The following CDH12 variants were observed in gnomAD, a reference collection of about 807,000 sequenced individuals.
CDH12 encodes the protein cadherin 12, also known as cadherin-12.
Under a neutral mutation model 74.1 loss-of-function variants are expected in CDH12, and 41 were observed. The observed-to-expected ratio is 0.55, with a 90% CI of 0.43 to 0.72. The LOEUF is 0.72. Ranked by LOEUF, CDH12 falls within the 30% of genes least tolerant of loss-of-function variation. The pLI is 0.00. For synonymous variants in CDH12, 399 were observed against 355.0 expected, an observed-to-expected ratio of 1.12 and a Z score of -1.39; for missense variants, 945 against 977.2, an observed-to-expected ratio of 0.97 and a Z score of 0.44.
rs546682569 is a variant in CDH12, at chr5:22,743,604, A to G, written c.-523+109454T>C. ...GACAAATTACTAAAGGTCATTATAC[A>G]TGAAATGTTTTACTGATCATTTTAC... On this transcript the variant is annotated intron_variant, in intron 1 of 14. Transcript: ENST00000382254. Among the ~76,000 whole-genome samples, 66 of 152,270 alleles carry G rather than the reference A, an allele frequency of 4.3e-4. 3 individuals are homozygous for G. In the South Asian group the frequency reaches 0.013, roughly 31 times the overall value.
chr5:22,726,172 T>C (rs576462643), intron 1 of CDH12, among the ~76,000 whole-genome samples: 12 of 151,918 alleles, frequency 7.9e-5, no homozygotes, highest in African/African-American at 2.9e-4. Flanking sequence ...TCCACTACCT[T>C]CGAAATGCTC....
At chr5:22,224,049 C>A (rs1752105922) in intron 3 of CDH12, among the ~76,000 whole-genome samples, 1 of 151,946 alleles carries the variant, frequency 6.6e-6, no homozygotes, top group Non-Finnish European at 1.5e-5. Context: ...AATTCTTGCA[C>A]ACAAGTGAGT....
intron 4 of CDH12, among the ~76,000 whole-genome samples, chr5:22,207,229 A>G (rs28580339): frequency 1.3e-5 from 2 of 151,284 alleles, no homozygotes; most frequent in African/African-American, 2.4e-5. Flanking sequence ...AAAAAAAAAA[A>G]AGAAAAAAAA....
chr5:22,481,120 A>C (rs1746367971), intron 2 of CDH12, among the ~76,000 whole-genome samples: 1 of 152,166 alleles, frequency 6.6e-6, no homozygotes, highest in African/African-American at 2.4e-5. Context: ...TAATTGCCAA[A>C]ATTGAGATAC....
At chr5:22,059,191 G>T (rs1740980651) in intron 5 of CDH12, among the ~76,000 whole-genome samples, 1 of 152,098 alleles carries the variant, frequency 6.6e-6, no homozygotes, top group South Asian at 2.1e-4. Context: ...ATTACTGGGA[G>T]AGTTGTGTTT....
chr5:22,459,467 G>A (rs1745415585), intron 2 of CDH12, among the ~76,000 whole-genome samples: 1 of 152,090 alleles, frequency 6.6e-6, no homozygotes, highest in African/African-American at 2.4e-5. Context: ...AATTTACTGT[G>A]TGAGACAAGA....
intron 1 of CDH12, among the ~76,000 whole-genome samples, chr5:22,526,438 C>T (rs1250187257): frequency 6.6e-6 from 1 of 152,154 alleles, no homozygotes; most frequent in Non-Finnish European, 1.5e-5. Flanking sequence ...AGGTGTATTT[C>T]CAGCACTGTC....
chr5:22,552,653 T>G (rs1016918678), intron 1 of CDH12, among the ~76,000 whole-genome samples: 4 of 152,122 alleles, frequency 2.6e-5, no homozygotes, highest in Non-Finnish European at 5.9e-5. Flanking sequence ...TGTCTTGATC[T>G]CCTAACCTCG....
At chr5:22,337,714 T>C (rs540871703) in intron 3 of CDH12, among the ~76,000 whole-genome samples, 12 of 152,220 alleles carry the variant, frequency 7.9e-5, no homozygotes, top group Non-Finnish European at 1.5e-4. Flanking sequence ...AGTCTTCATA[T>C]GTCTTTAGCA....
chr5:22,406,999 A>G (rs897532512), intron 2 of CDH12, among the ~76,000 whole-genome samples: 1 of 150,686 alleles, frequency 6.6e-6, no homozygotes, highest in African/African-American at 2.4e-5. Flanking sequence ...ATACTTGGCT[A>G]TGGTCACTTA....
chr5:22,433,923 T>C (rs1199032457), intron 2 of CDH12, among the ~76,000 whole-genome samples: 5 of 152,172 alleles, frequency 3.3e-5, no homozygotes, highest in African/African-American at 4.8e-5. Flanking sequence ...TTAGATAATA[T>C]GCAGTATAGC....
intron 3 of CDH12, among the ~76,000 whole-genome samples, chr5:22,399,415 T>C (rs1742615771): frequency 6.6e-6 from 1 of 152,124 alleles, no homozygotes. Context: ...ATTTCAAACC[T>C]AGCCTGAAAC....
intron 1 of CDH12, among the ~76,000 whole-genome samples, chr5:22,688,341 A>G (rs1741917374): frequency 6.6e-6 from 1 of 152,216 alleles, no homozygotes; most frequent in Admixed American, 6.5e-5. Flanking sequence ...AAGCATTTTA[A>G]TAAGTCATGT....
At chr5:22,562,614 C>A (rs1739105297) in intron 1 of CDH12, among the ~76,000 whole-genome samples, 2 of 149,260 alleles carry the variant, frequency 1.3e-5, no homozygotes, top group Non-Finnish European at 1.5e-5. Context: ...AAATAAGAGG[C>A]AGAAAAAAAG....
chr5:21,924,720 T>A (rs1169833305), intron 6 of CDH12, among the ~76,000 whole-genome samples: 1 of 152,164 alleles, frequency 6.6e-6, no homozygotes, highest in African/African-American at 2.4e-5. Flanking sequence ...TGTTGGACAA[T>A]GTAAGAATCT....
intron 5 of CDH12, among the ~76,000 whole-genome samples, chr5:21,992,632 G>A (rs939501998): frequency 7.3e-5 from 11 of 151,706 alleles, no homozygotes; most frequent in Admixed American, 3.3e-4. Context: ...CATTATTTCC[G>A]AGATTAAAAA....
intron 8 of CDH12, among the ~76,000 whole-genome samples, chr5:21,841,138 G>A (rs1462753376): frequency 1.8e-4 from 28 of 152,028 alleles, no homozygotes; most frequent in African/African-American, 4.3e-4. Context: ...CAGAATCTAC[G>A]ATGAACTCAA....
At chr5:22,587,227 T>C (rs958407601) in intron 1 of CDH12, among the ~76,000 whole-genome samples, 5 of 151,996 alleles carry the variant, frequency 3.3e-5, no homozygotes, top group South Asian at 2.1e-4. Context: ...GTTAGTTACA[T>C]AGGAGTATGA....
chr5:22,413,409 A>G (rs1422598273), intron 2 of CDH12, among the ~76,000 whole-genome samples: 1 of 151,994 alleles, frequency 6.6e-6, no homozygotes, highest in Non-Finnish European at 1.5e-5. Context: ...AATAACAACA[A>G]GAAAGAGTGG....
Sources: allele counts gnomAD v4.1 joint callset (sites outside exome capture counted in the v4.1 genomes callset), GRCh38; gene constraint gnomAD v4.1.1; transcripts MANE v1.5; gene names NCBI Gene and HGNC (gene_info 2026-07-23, HGNC 2026-07-21).